Variants in ASAH2 observed in about 807,000 individuals in gnomAD.
ASAH2 encodes the protein neutral ceramidase.
ASAH2 carries 58 observed loss-of-function variants against 82.9 expected under a neutral mutation model. The ratio of observed to expected loss-of-function variants is 0.70; its 90% CI spans 0.57 to 0.87. The LOEUF is 0.87. ASAH2 is among the 40% of genes least tolerant of loss of function. The pLI is 0.00. For synonymous variants in ASAH2, 276 were observed against 289.7 expected, an observed-to-expected ratio of 0.95 and a Z score of 0.48; for missense variants, 779 against 834.0, an observed-to-expected ratio of 0.93 and a Z score of 0.81.
At chr10:50,242,941 T>A (rs1413304830) in intron 4 of ASAH2, among the ~76,000 whole-genome samples, 2 of 152,164 alleles carry the variant, frequency 1.3e-5, no homozygotes, top group Non-Finnish European at 2.9e-5. Context: ...TTATAAGCTT[T>A]CAACAAAAAC....
chr10:50,242,616 C>T (rs1321744844), intron 4 of ASAH2, among the ~76,000 whole-genome samples: 1 of 140,340 alleles, frequency 7.1e-6, no homozygotes, highest in African/African-American at 2.4e-5. Context: ...TGGTTGGTTG[C>T]TTGCTCGCTT....
intron 16 of ASAH2, among the ~76,000 whole-genome samples, chr10:50,201,403 C>T (rs1449714981): frequency 6.6e-6 from 1 of 152,080 alleles, no homozygotes; most frequent in Non-Finnish European, 1.5e-5. Flanking sequence ...GGCACCCATA[C>T]CTAGATACTG....
intron 16 of ASAH2, among the ~76,000 whole-genome samples, chr10:50,199,937 T>C (rs1404362499): frequency 6.6e-6 from 1 of 151,690 alleles, no homozygotes; most frequent in Non-Finnish European, 1.5e-5. Context: ...TTTATATTTG[T>C]ATTAGGTTCA....
chr10:50,242,728 T>G (rs1022542737), intron 4 of ASAH2, among the ~76,000 whole-genome samples: 16 of 152,312 alleles, frequency 1.1e-4, no homozygotes, highest in African/African-American at 3.8e-4. Context: ...TGAATCCCTA[T>G]GTGCCTATTA....
intron 7 of ASAH2, among the ~76,000 whole-genome samples, chr10:50,225,375 G>A (rs993279328): frequency 5.1e-4 from 78 of 152,174 alleles, no homozygotes; most frequent in South Asian, 1.2e-3. Flanking sequence ...CTGAGATCAC[G>A]CCACTGTACT....
chr10:50,203,758 C>T (rs1845223299), intron 14 of ASAH2, 79 bp from the exon 15 acceptor site: 15 of 1,187,558 alleles, frequency 1.3e-5, no homozygotes, highest in Non-Finnish European at 1.6e-5. Flanking sequence ...CAGTGAAAGC[C>T]AAAAAATTAC....
At chr10:50,234,367 T>A in intron 6 of ASAH2, 58 bp downstream of exon 6, 1 of 1,611,212 alleles carries the variant, frequency 6.2e-7, no homozygotes, top group East Asian at 2.2e-5. Context: ...TGTACTTAGA[T>A]TTTGTTGCTG....
At chr10:50,201,653 T>C (rs1845152790) in intron 16 of ASAH2, among the ~76,000 whole-genome samples, 1 of 152,224 alleles carries the variant, frequency 6.6e-6, no homozygotes, top group African/African-American at 2.4e-5. Context: ...CATGGACTCC[T>C]TTGGCAGCAT....
chr10:50,223,513 C>T (rs1184748344), intron 7 of ASAH2, among the ~76,000 whole-genome samples: 2 of 152,138 alleles, frequency 1.3e-5, no homozygotes, highest in East Asian at 1.9e-4. Context: ...CCGACCTAAA[C>T]GCCCACAAAT....
Position 50,218,891 on chromosome 10 carries a change from G to T in ASAH2, c.894-261C>A, listed in dbSNP as rs1028375274. ...TCATCATTGGCATCATCATTGGACTGGTCAGTTACCAGATGACATACCTAA... is the reference window on the plus strand; with the variant it reads ...TCATCATTGGCATCATCATTGGACTTGTCAGTTACCAGATGACATACCTAA... On this transcript the variant is annotated intron_variant, in intron 7 of 20. Coordinates refer to ENST00000682911, the MANE Select transcript of ASAH2 (RefSeq NM_019893.4). Among the ~76,000 whole-genome samples, 355 of 152,198 alleles carry T rather than the reference G, an allele frequency of 2.3e-3. 2 individuals are homozygous for T. The highest frequency in any genetic ancestry group is 4.4e-3 in the Non-Finnish European group (298 of 68,010).
chr10:50,214,938 A>G, intron 8 of ASAH2, 70 bp from the exon 9 acceptor site: 4 of 1,584,348 alleles, frequency 2.5e-6, no homozygotes, highest in South Asian at 1.1e-5. Flanking sequence ...TTAGAAATAC[A>G]AACATTAAAT....
chr10:50,198,241 A>C (rs1845043100), intron 17 of ASAH2: 3 of 151,344 alleles, frequency 2.0e-5, no homozygotes, highest in African/African-American at 4.9e-5. Flanking sequence ...TGAGGCTTAC[A>C]TATTATTATA....
intron 7 of ASAH2, among the ~76,000 whole-genome samples, chr10:50,222,286 C>T (rs1230033384): frequency 6.6e-6 from 1 of 152,120 alleles, no homozygotes; most frequent in Non-Finnish European, 1.5e-5. Flanking sequence ...GACTTGATTT[C>T]TTCTTCTTTT....
At chr10:50,238,506 C>T (rs2133228364) in intron 4 of ASAH2, among the ~76,000 whole-genome samples, 1 of 152,258 alleles carries the variant, frequency 6.6e-6, no homozygotes, top group East Asian at 1.9e-4. Context: ...CCCCAATCCC[C>T]CACCACTCTC....
At chr10:50,200,489 T>G (rs1482779853) in intron 16 of ASAH2, among the ~76,000 whole-genome samples, 3 of 152,030 alleles carry the variant, frequency 2.0e-5, no homozygotes, top group Admixed American at 6.6e-5. Context: ...TTTGCTTAAC[T>G]CTCACTTGTT....
rs1197566250 is a variant in ASAH2 at position 50,243,243 on chromosome 10, T to G, written c.469A>C (p.Ser157Arg). ...TGTGATACCATGCCTATGTCGATGC[T>G]GACAAACACTGTTCGATTGGACCCA... The part of the protein sequence containing the change: ...PDGSNRTVFV[S>R]IDIGMVSQRL... Residue 157 changes from serine to arginine, a missense_variant, in exon 4 of 21, where the codon AGC becomes CGC. Around this residue, in one of 3 missense-constraint regions of ASAH2, gnomAD observed 759 missense variants for 755.2 expected, o/e 1.00. Coordinates refer to ENST00000682911, the MANE Select transcript of ASAH2 (RefSeq NM_019893.4). 1 of 1,614,126 alleles carries G rather than the reference T, an allele frequency of 6.2e-7. No individual in the cohort carries two copies. The highest frequency in any genetic ancestry group is 1.1e-5 in the South Asian group (1 of 91,072).
At chr10:50,214,536 T>G (rs1236634896) in intron 9 of ASAH2, among the ~76,000 whole-genome samples, 1 of 152,172 alleles carries the variant, frequency 6.6e-6, no homozygotes, top group African/African-American at 2.4e-5. Context: ...TTCAAAAACC[T>G]TAACAGTCAC....
At chr10:50,238,415 T>C (rs1846211243) in intron 4 of ASAH2, among the ~76,000 whole-genome samples, 1 of 152,200 alleles carries the variant, frequency 6.6e-6, no homozygotes, top group African/African-American at 2.4e-5. Flanking sequence ...AATTCTATGA[T>C]GCAAGACAAA....
At position 50,218,629 on chromosome 10, in the gene ASAH2, AG is replaced by A; in HGVS notation, c.894del (p.Trp299GlyfsTer9). On this transcript the variant is annotated frameshift_variant and splice_region_variant, in exon 8 of 21. Transcript: ENST00000682911. LOFTEE classifies it high-confidence loss of function. ...ATGCTGACCGGGTGGATGGCAAACC[AG>A]CTGTAAAAGAGCAAGAAGCTCTAAA... is the stretch of plus-strand genomic sequence containing the variant. ...DLNGDDLGLI[S>X]WFAIHPVSMN... 1 of 1,613,796 alleles carries A rather than the reference AG, an allele frequency of 6.2e-7. No homozygotes were observed. Among genetic ancestry groups the A allele is most frequent in the Non-Finnish European group, 8.5e-7 (1 of 1,179,722 alleles).
Sources: gnomAD v4.1 joint callset for allele counts (sites outside exome capture counted in the v4.1 genomes callset) on GRCh38, gnomAD v4.1.1 for gene constraint, gnomAD v4.1.1 regional missense constraint, MANE v1.5 for transcripts, NCBI Gene and HGNC (gene_info 2026-07-23, HGNC 2026-07-21) for gene names.